ARHGAP35: variants seen among roughly 807,000 people sequenced by gnomAD.
ARHGAP35 encodes Rho GTPase activating protein 35, also known as rho GTPase-activating protein 35.
A neutral mutation model predicts 111.1 loss-of-function variants in ARHGAP35; 15 were observed. That is an observed-to-expected ratio of 0.13 (90% CI 0.09 to 0.21). The LOEUF is 0.21. Among genes scored for constraint, ARHGAP35 ranks in the 10% least tolerant of loss-of-function variants. ARHGAP35 has a pLI of 1.00. For missense variants in ARHGAP35, 1,262 were observed against 1,873.0 expected (o/e 0.67, Z 6.02); for synonymous variants, 643 against 710.3 (o/e 0.91, Z 1.51).
rs144951752 is a variant in ARHGAP35, at chr19:46,905,475, A to T, written c.-188-13013A>T. On this transcript the variant is annotated intron_variant, in intron 1 of 6. Transcript: ENST00000672722. Reference sequence around the variant, plus strand: ...ACTGCCACCTCTGCCGCCGGGGTTCAAGAGACTCTCCTGCCTCAGCCTCCC... The same window carrying T: ...ACTGCCACCTCTGCCGCCGGGGTTCTAGAGACTCTCCTGCCTCAGCCTCCC... 6.3e-3 allele frequency among the ~76,000 whole-genome samples: 960 copies of T among 151,458 alleles called. 8 individuals are homozygous for T. The highest frequency in any genetic ancestry group is 0.023 in the African/African-American group (928 of 41,184).
chr19:46,975,857 C>T lies in ARHGAP35; in HGVS notation c.3827-12132C>T, dbSNP rs150728459. On this transcript the variant is annotated intron_variant, in intron 3 of 6. Coordinates refer to ENST00000672722, the MANE Select transcript of ARHGAP35 (RefSeq NM_004491.5). The stretch of plus-strand genomic sequence containing the variant: ...CTATCATGAAGGAGAGTTGGCGGGA[C>T]GAGAGCTGTTAAATTCAGTTAGTTA... Among the ~76,000 whole-genome samples, 54 of 152,258 alleles carry T rather than the reference C, an allele frequency of 3.5e-4. 1 individual carries two copies. In the East Asian group the frequency reaches 9.3e-3, roughly 26 times the overall value.
chr19:46,957,731 T>C (rs952431275), intron 3 of ARHGAP35, among the ~76,000 whole-genome samples: 4 of 152,218 alleles, frequency 2.6e-5, no homozygotes, highest in Non-Finnish European at 5.9e-5. Context: ...GGCAAGGTGA[T>C]TGGTGCTGGC....
rs1568461119 is a variant in ARHGAP35 at position 46,888,306 on chromosome 19, AT to A, written c.-189+27098del. On this transcript the variant is annotated intron_variant, in intron 1 of 6. Coordinates refer to ENST00000672722, the MANE Select transcript of ARHGAP35 (RefSeq NM_004491.5). ...TATATATATATATATATATATATAT[AT>A]ATATATATATAAAATATTGATTTTA... 9.9e-4 allele frequency among the ~76,000 whole-genome samples: 69 copies of A among 69,840 alleles called. 2 individuals are homozygous for A. The highest frequency in any genetic ancestry group is 2.8e-3 in the South Asian group (6 of 2,180). 45.8% of individuals were successfully genotyped at this position (69,840 alleles called of 152,430 possible). A position where few individuals can be genotyped will look rare whatever the true frequency, so the allele number is the denominator to read the frequency against.
chr19:46,973,132 G>A (rs2122297776), intron 3 of ARHGAP35, among the ~76,000 whole-genome samples: 1 of 152,320 alleles, frequency 6.6e-6, no homozygotes, highest in South Asian at 2.1e-4. Flanking sequence ...GGAGGCCGAG[G>A]CAGGCAGATC....
intron 1 of ARHGAP35, among the ~76,000 whole-genome samples, chr19:46,883,838 T>C (rs1314646711): frequency 6.6e-6 from 1 of 152,158 alleles, no homozygotes; most frequent in Non-Finnish European, 1.5e-5. Flanking sequence ...GCAGATTGCC[T>C]GAGCTCAGGA....
chr19:46,927,214 C>T (rs535770670), intron 2 of ARHGAP35, among the ~76,000 whole-genome samples: 2 of 152,290 alleles, frequency 1.3e-5, no homozygotes, highest in Non-Finnish European at 2.9e-5. Context: ...CATTTCGGTG[C>T]GTGGGCATTC....
intron 3 of ARHGAP35, among the ~76,000 whole-genome samples, chr19:46,940,299 C>T (rs560333238): frequency 2.4e-4 from 36 of 149,376 alleles, no homozygotes; most frequent in African/African-American, 7.9e-4. Flanking sequence ...GCGGAGGTTG[C>T]GGTGAGCCAA....
rs766572579 is a variant in ARHGAP35 at position 47,001,268 on chromosome 19, G to A, written c.*580G>A. 129 of 1,289,850 alleles carry A rather than the reference G, an allele frequency of 1.0e-4. No individual in the cohort carries two copies. The highest frequency in any genetic ancestry group is 1.3e-4 in the Non-Finnish European group (125 of 989,370). 79.9% of individuals were successfully genotyped at this position (1,289,850 alleles called of 1,614,324 possible). On this transcript the variant is annotated 3_prime_UTR_variant, in exon 7 of 7. Coordinates refer to ENST00000672722, the MANE Select transcript of ARHGAP35 (RefSeq NM_004491.5). This position sits in a 1 kb window ranked among gnomAD's most constrained non-coding sequence, Gnocchi z 5.4. ...TGGCTCTGCAGATCAGAACAACGGA[G>A]GATAGCTTTGTGCCTGGACCCAGAG...
chr19:46,929,679 C>T (rs540060799), intron 2 of ARHGAP35, among the ~76,000 whole-genome samples: 10 of 147,980 alleles, frequency 6.8e-5, no homozygotes, highest in East Asian at 6.0e-4. Flanking sequence ...TTTGGGAGGC[C>T]GAGGTGGGCA....
intron 1 of ARHGAP35, among the ~76,000 whole-genome samples, chr19:46,888,315 TATAA>T (rs1306931421): frequency 3.4e-4 from 19 of 55,424 alleles, no homozygotes; most frequent in South Asian, 5.5e-4. Flanking sequence ...TATATATATA[TATAA>T]AATATTGATT....
intron 5 of ARHGAP35, among the ~76,000 whole-genome samples, chr19:46,995,960 G>A (rs774654754): frequency 6.6e-6 from 1 of 152,222 alleles, no homozygotes; most frequent in Non-Finnish European, 1.5e-5. Context: ...AGCTCCTAGT[G>A]CTGCTCAGTA....
chr19:46,887,880 C>T (rs2056000261), intron 1 of ARHGAP35, among the ~76,000 whole-genome samples: 1 of 151,888 alleles, frequency 6.6e-6, no homozygotes, highest in South Asian at 2.1e-4. Flanking sequence ...TTCCCTGACC[C>T]ACAGAAGTCA....
At chr19:46,906,872 T>G (rs1468039965) in intron 1 of ARHGAP35, among the ~76,000 whole-genome samples, 1 of 152,196 alleles carries the variant, frequency 6.6e-6, no homozygotes, top group East Asian at 1.9e-4. Context: ...GCGGATCACA[T>G]GAGCCCAGGA....
intron 3 of ARHGAP35, among the ~76,000 whole-genome samples, chr19:46,950,621 C>T (rs1213287933): frequency 6.6e-6 from 1 of 152,148 alleles, no homozygotes; most frequent in African/African-American, 2.4e-5. Context: ...ATCTTCGGGG[C>T]TGAAGGAGTG....
chr19:46,922,450 TAAAA>T lies in ARHGAP35; in HGVS notation c.3681+101_3681+104del. On this transcript the variant is annotated intron_variant, in intron 2 of 6. Transcript: ENST00000672722. This position sits in a 1 kb window ranked among gnomAD's most constrained non-coding sequence, Gnocchi z 4.0. Reference sequence around the variant, plus strand: ...ATTTTTCAAGGACAACCTATTCTGGTAAAAAAAAAACTGCCCTGTGTGTGTATTT... The same window carrying T: ...ATTTTTCAAGGACAACCTATTCTGGTAAAAAACTGCCCTGTGTGTGTATTT... 9.0e-7 allele frequency: 1 copy of T among 1,116,158 alleles called. No homozygotes were observed. Among genetic ancestry groups the T allele is most frequent in the Non-Finnish European group, 1.2e-6 (1 of 847,472 alleles). The allele number at this position is 1,116,158 out of a possible 1,614,324, so 69.1% of individuals were successfully genotyped here. A position where few individuals can be genotyped will look rare whatever the true frequency, so the allele number is the denominator to read the frequency against.
In ARHGAP35 at chr19:46,921,206, T is replaced by G. The variant is rs765848742; in HGVS notation, c.2531T>G (p.Phe844Cys). The G allele has an allele frequency of 6.2e-7, 1 of 1,613,956 alleles. No individual in the cohort carries two copies. The highest frequency in any genetic ancestry group is 8.5e-7 in the Non-Finnish European group (1 of 1,179,916). Residue 844 changes from phenylalanine to cysteine, a missense_variant, in exon 2 of 7, where the codon TTT (phenylalanine) becomes TGT (cysteine). Transcript: ENST00000672722. This position sits in a 1 kb window ranked among gnomAD's most constrained non-coding sequence, Gnocchi z 4.3. The part of the protein sequence containing the change: ...ELSVLSYHSS[F>C]SIRKSRLVHG... ...TCTGTTCTTTCATACCATTCCTCCT[T>G]TAGCATCAGAAAGAGCCGGTTGGTT...
At chr19:46,873,105 C>T (rs2122122070) in intron 1 of ARHGAP35, among the ~76,000 whole-genome samples, 1 of 152,252 alleles carries the variant, frequency 6.6e-6, no homozygotes, top group Non-Finnish European at 1.5e-5. Flanking sequence ...CCCAGAGTCT[C>T]TGCTCTCTGT....
intron 3 of ARHGAP35, among the ~76,000 whole-genome samples, chr19:46,943,237 G>A (rs780869036): frequency 5.3e-5 from 8 of 152,102 alleles, no homozygotes; most frequent in African/African-American, 1.4e-4. Context: ...CAGTTGTCTT[G>A]CAGAATGTCC....
At chr19:46,924,467 C>A (rs2056227121) in intron 2 of ARHGAP35, among the ~76,000 whole-genome samples, 2 of 152,226 alleles carry the variant, frequency 1.3e-5, no homozygotes, top group South Asian at 2.1e-4. Context: ...TATCCCTCCC[C>A]ACCTGTGCTG....
Sources: gnomAD v4.1 joint callset for allele counts (sites outside exome capture counted in the v4.1 genomes callset) on GRCh38, gnomAD v4.1.1 for gene constraint, Gnocchi (gnomAD v3.1) non-coding constraint, MANE v1.5 for transcripts, NCBI Gene and HGNC (gene_info 2026-07-23, HGNC 2026-07-21) for gene names.